Variants in CDKAL1 observed in about 807,000 individuals in gnomAD.
CDKAL1 encodes the protein CDKAL1 threonylcarbamoyladenosine tRNA methylthiotransferase.
Under a neutral mutation model 68.2 loss-of-function variants are expected in CDKAL1, and 32 were observed. The observed-to-expected ratio is 0.47, with a 90% CI of 0.35 to 0.63. The LOEUF (loss-of-function observed/expected upper bound fraction) is 0.63, where lower values mean the gene tolerates loss of function less well. CDKAL1 is among the 30% of genes least tolerant of loss of function. CDKAL1 has a pLI of 0.00. For synonymous variants in CDKAL1, 234 were observed against 244.3 expected, an observed-to-expected ratio of 0.96 and a Z score of 0.39; for missense variants, 606 against 696.7, an observed-to-expected ratio of 0.87 and a Z score of 1.47.
intron 4 of CDKAL1, among the ~76,000 whole-genome samples, chr6:20,601,723 T>G (rs1418585040): frequency 6.6e-6 from 1 of 152,174 alleles, no homozygotes; most frequent in Non-Finnish European, 1.5e-5. Flanking sequence ...GAAAAGAATT[T>G]GCAATATTTA....
At chr6:20,677,379 T>G (rs559644477) in intron 5 of CDKAL1, among the ~76,000 whole-genome samples, 1 of 152,122 alleles carries the variant, frequency 6.6e-6, no homozygotes, top group South Asian at 2.1e-4. Context: ...TAAATTTGTT[T>G]TGTTTTGTTT....
intron 4 of CDKAL1, among the ~76,000 whole-genome samples, chr6:20,574,067 T>C (rs1365554524): frequency 1.3e-5 from 2 of 152,208 alleles, no homozygotes; most frequent in Non-Finnish European, 2.9e-5. Context: ...AAATTGTTTA[T>C]ATTATATGAA....
At chr6:20,621,560 A>T (rs969610551) in intron 4 of CDKAL1, among the ~76,000 whole-genome samples, 1 of 152,140 alleles carries the variant, frequency 6.6e-6, no homozygotes, top group African/African-American at 2.4e-5. Flanking sequence ...GAATTCTTCT[A>T]CACAGGAGAT....
At chr6:20,602,531 T>G (rs749155312) in intron 4 of CDKAL1, among the ~76,000 whole-genome samples, 6 of 152,190 alleles carry the variant, frequency 3.9e-5, no homozygotes, top group Non-Finnish European at 5.9e-5. Context: ...CTCAGGATTT[T>G]AGGCTTTTAC....
At chr6:20,924,226 TGTG>T (rs1254232395) in intron 9 of CDKAL1, among the ~76,000 whole-genome samples, 2 of 145,282 alleles carry the variant, frequency 1.4e-5, no homozygotes, top group Non-Finnish European at 1.5e-5. Context: ...GTTAGCCAGG[TGTG>T]GTGGTGTGTA....
At chr6:20,918,879 A>G (rs943650660) in intron 9 of CDKAL1, among the ~76,000 whole-genome samples, 4 of 152,218 alleles carry the variant, frequency 2.6e-5, no homozygotes, top group Admixed American at 6.5e-5. Flanking sequence ...GCCTGCATTT[A>G]GTGTTCATGG....
chr6:20,773,457 T>C (rs747520737), intron 7 of CDKAL1, among the ~76,000 whole-genome samples: 1 of 152,242 alleles, frequency 6.6e-6, no homozygotes, highest in African/African-American at 2.4e-5. Flanking sequence ...TGGGCACTTT[T>C]GTATAATATT....
chr6:20,735,826 T>C (rs1773165986), intron 5 of CDKAL1, among the ~76,000 whole-genome samples: 1 of 152,218 alleles, frequency 6.6e-6, no homozygotes, highest in African/African-American at 2.4e-5. Context: ...CAGTTTTTAT[T>C]GTCATAGTAT....
At chr6:21,146,159 G>A (rs763378354) in intron 13 of CDKAL1, among the ~76,000 whole-genome samples, 2 of 152,028 alleles carry the variant, frequency 1.3e-5, no homozygotes, top group East Asian at 1.9e-4. Flanking sequence ...ATAAAACATC[G>A]TCAAATACTG....
At chr6:20,880,169 G>A (rs142626318) in intron 9 of CDKAL1, among the ~76,000 whole-genome samples, 12 of 152,276 alleles carry the variant, frequency 7.9e-5, no homozygotes, top group East Asian at 1.9e-4. Flanking sequence ...TACAGGCTTC[G>A]GAATGCTTAG....
At chr6:21,088,947 A>G (rs1010989816) in intron 12 of CDKAL1, among the ~76,000 whole-genome samples, 3 of 152,228 alleles carry the variant, frequency 2.0e-5, no homozygotes, top group Admixed American at 6.5e-5. Flanking sequence ...ATCTCAAAAA[A>G]TAAATAAAAT....
intron 5 of CDKAL1, 37 bp downstream of exon 5, chr6:20,649,414 C>T (rs374279045): frequency 7.1e-5 from 83 of 1,174,998 alleles, no homozygotes; most frequent in Non-Finnish European, 9.8e-5. Flanking sequence ...TTTGTATAAT[C>T]AAAGTAAGAA....
chr6:21,194,434 C>T (rs1778385970), intron 13 of CDKAL1, among the ~76,000 whole-genome samples: 1 of 152,182 alleles, frequency 6.6e-6, no homozygotes, highest in Non-Finnish European at 1.5e-5. Flanking sequence ...AAGACAAATT[C>T]TGATCCCTTC....
At chr6:21,116,827 T>G (rs114149898) in intron 13 of CDKAL1, among the ~76,000 whole-genome samples, 1,766 of 152,294 alleles carry the variant, frequency 0.012, 46 homozygotes, top group African/African-American at 0.039. Context: ...TTCAAATTAT[T>G]TACCACGCCT....
intron 4 of CDKAL1, among the ~76,000 whole-genome samples, chr6:20,624,071 T>C (rs377278286): frequency 4.8e-4 from 73 of 152,150 alleles, no homozygotes; most frequent in Middle Eastern, 3.4e-3. Context: ...ACATGAGGCT[T>C]ATTGTAGAGT....
At chr6:21,218,473 T>C (rs577712249) in intron 15 of CDKAL1, among the ~76,000 whole-genome samples, 18 of 152,388 alleles carry the variant, frequency 1.2e-4, no homozygotes, top group Admixed American at 1.2e-3. Flanking sequence ...CGTGGCACAG[T>C]ACTGCTCCTT....
rs1327212251 is a variant in CDKAL1 at position 20,978,341 on chromosome 6, T to A, written c.910-21886T>A. 2.0e-5 allele frequency among the ~76,000 whole-genome samples: 3 copies of A among 152,218 alleles called. No homozygotes were observed. The East Asian group carries it at 5.8e-4, about 29-fold the overall frequency. ...CTTAAGTTATTAGTAAGTGCCACAG[T>A]GCAGGAAAAAGGGCAATCAGCTGTT... is the stretch of plus-strand genomic sequence containing the variant. On this transcript the variant is annotated intron_variant, in intron 10 of 15. Transcript: ENST00000274695.
chr6:20,820,411 G>A (rs921948268), intron 8 of CDKAL1, among the ~76,000 whole-genome samples: 3 of 151,980 alleles, frequency 2.0e-5, no homozygotes, highest in African/African-American at 7.3e-5. Flanking sequence ...GTGAGGTTAA[G>A]GACTTATATT....
chr6:20,720,048 T>C (rs9356746), intron 5 of CDKAL1, among the ~76,000 whole-genome samples: 23,756 of 152,124 alleles, frequency 0.16, 2,141 homozygotes, highest in East Asian at 0.47. Context: ...GTCTGGATTT[T>C]GGTGATTGCA....
Sources: allele counts gnomAD v4.1 joint callset (sites outside exome capture counted in the v4.1 genomes callset), GRCh38; gene constraint gnomAD v4.1.1; transcripts MANE v1.5; gene names NCBI Gene and HGNC (gene_info 2026-07-23, HGNC 2026-07-21).